The following MAP4K3 variants were observed in gnomAD, a reference collection of about 807,000 sequenced individuals.
MAP4K3 encodes MAPK/ERK kinase kinase kinase 3.
A neutral mutation model predicts 143.5 loss-of-function variants in MAP4K3; 94 were observed. The ratio of observed to expected loss-of-function variants is 0.65; its 90% CI spans 0.55 to 0.78. The LOEUF (loss-of-function observed/expected upper bound fraction) is 0.78. Among genes scored for constraint, MAP4K3 ranks in the 30% least tolerant of loss-of-function variants. The pLI, the probability that MAP4K3 is intolerant of heterozygous loss-of-function variation, is 0.00. For synonymous variants in MAP4K3, 416 were observed against 347.2 expected (o/e 1.20, Z -2.20); for missense variants, 1,077 against 1,068.1 (o/e 1.01, Z -0.12).
At position 39,392,183 on chromosome 2, in the gene MAP4K3, C is replaced by CAAAAAAAAAAAAAA. The variant is rs3086434; in HGVS notation, c.97-14074_97-14061dup. Among the ~76,000 whole-genome samples, 329 of 69,022 alleles carry CAAAAAAAAAAAAAA rather than the reference C, an allele frequency of 4.8e-3. 19 individuals carry two copies. Among genetic ancestry groups the CAAAAAAAAAAAAAA allele is most frequent in the Non-Finnish European group, 6.4e-3 (250 of 38,934 alleles). 45.3% of individuals were successfully genotyped at this position (69,022 alleles called of 152,430 possible). On this transcript the variant is annotated intron_variant, in intron 1 of 33. Coordinates refer to ENST00000263881, the MANE Select transcript of MAP4K3 (RefSeq NM_003618.4). Reference sequence around the variant, plus strand: ...CTGGCAACAGAACGACACTCCTACTCAAAAAAAAAAAAAAAAAAAAAATTA... The same window carrying CAAAAAAAAAAAAAA: ...CTGGCAACAGAACGACACTCCTACTCAAAAAAAAAAAAAAAAAAAAAAAAAAAAAAAAAAAATTA...
chr2:39,334,411 G>A (rs1455993207), intron 6 of MAP4K3, among the ~76,000 whole-genome samples: 3 of 149,806 alleles, frequency 2.0e-5, no homozygotes, highest in African/African-American at 7.3e-5. Flanking sequence ...GGAAAAAACA[G>A]TAAAAGACTG....
intron 23 of MAP4K3, 83 bp from the exon 24 acceptor site, chr2:39,278,569 T>C: frequency 1.3e-6 from 1 of 747,640 alleles, no homozygotes; most frequent in Non-Finnish European, 2.2e-6. Flanking sequence ...CTTCCGTAAA[T>C]AAGTATTAAC....
intron 1 of MAP4K3, among the ~76,000 whole-genome samples, chr2:39,432,983 T>C (rs543429650): frequency 4.9e-4 from 75 of 152,324 alleles, no homozygotes; most frequent in African/African-American, 1.7e-3. Context: ...ACAAGCAATA[T>C]GTATTACAGA....
At chr2:39,317,464 A>G (rs1304249217) in intron 12 of MAP4K3, among the ~76,000 whole-genome samples, 1 of 152,206 alleles carries the variant, frequency 6.6e-6, no homozygotes, top group Non-Finnish European at 1.5e-5. Flanking sequence ...CTATCAACAG[A>G]GTAAACAGAC....
chr2:39,309,347 G>A (rs908564555), intron 14 of MAP4K3, 114 bp downstream of exon 14: 4 of 741,406 alleles, frequency 5.4e-6, no homozygotes, highest in East Asian at 3.0e-5. Context: ...CTGGGACCTC[G>A]AATGTTTTTG....
rs1681369192 is a variant in MAP4K3, at chr2:39,278,423, T to G, written c.1778A>C (p.Glu593Ala). 1 of 1,589,568 alleles carries G rather than the reference T, an allele frequency of 6.3e-7. No individual in the cohort carries two copies. The highest frequency in any genetic ancestry group is 8.6e-7 in the Non-Finnish European group (1 of 1,166,458). ...ATAACATACCTGTTCCATTGATGTT[T>G]CATGAAGTTCATTAAGATTGAGGGT... ...IYTLNLNELH[E>A]TSMEQLFPRR... Residue 593 changes from glutamate to alanine, a missense_variant, in exon 24 of 34, where the codon GAA becomes GCA. Physicochemically the swap from Glu to Ala is moderately radical, Grantham distance 107. Transcript: ENST00000263881.
intron 8 of MAP4K3, among the ~76,000 whole-genome samples, chr2:39,326,533 G>A (rs994535802): frequency 6.6e-6 from 1 of 152,138 alleles, no homozygotes; most frequent in African/African-American, 2.4e-5. Flanking sequence ...CCTCAGACGA[G>A]ACTTTGGATT....
rs759853771 is a variant in MAP4K3 at position 39,260,756 on chromosome 2, A to G, written c.2158T>C (p.Cys720Arg). 21 of 1,612,410 alleles carry G rather than the reference A, an allele frequency of 1.3e-5. No individual in the cohort carries two copies. In the Admixed American group the frequency reaches 3.2e-4, roughly 24 times the overall value. Residue 720 changes from cysteine (C) to arginine (R), a missense_variant, in exon 29 of 34, where the codon TGT (cysteine) becomes CGT (arginine). This residue lies in a region of MAP4K3 where 864 missense variants were observed against 801.2 expected (regional missense o/e 1.08). Coordinates refer to ENST00000263881, the MANE Select transcript of MAP4K3 (RefSeq NM_003618.4). ...AGCATTTCAAACATTCTAAGTGGAC[A>G]TGGTATAGGAAAATCTATGTGCTAG... ...LIKHIDFPIP[C>R]PLRMFEMLVV...
At chr2:39,307,558 C>G (rs868104654) in intron 15 of MAP4K3, among the ~76,000 whole-genome samples, 2 of 148,658 alleles carry the variant, frequency 1.3e-5, no homozygotes, top group South Asian at 4.2e-4. Context: ...ATATATGTAC[C>G]ATATAACATA....
At chr2:39,406,186 C>T (rs1483541148) in intron 1 of MAP4K3, among the ~76,000 whole-genome samples, 6 of 151,446 alleles carry the variant, frequency 4.0e-5, no homozygotes, top group Non-Finnish European at 8.8e-5. Context: ...TATTTGAAAA[C>T]AGAGGAGACA....
At chr2:39,392,841 A>G (rs1188060432) in intron 1 of MAP4K3, among the ~76,000 whole-genome samples, 1 of 152,182 alleles carries the variant, frequency 6.6e-6, no homozygotes, top group East Asian at 1.9e-4. Flanking sequence ...CCATGGGATG[A>G]CACAGTACAA....
chr2:39,436,488 C>T (rs1310338146), intron 1 of MAP4K3: 2 of 183,014 alleles, frequency 1.1e-5, no homozygotes, highest in Non-Finnish European at 2.3e-5. Flanking sequence ...GCGGACGACC[C>T]CAGGTTGGCG....
At chr2:39,259,612 T>C (rs1000427320) in intron 29 of MAP4K3, among the ~76,000 whole-genome samples, 1 of 152,260 alleles carries the variant, frequency 6.6e-6, no homozygotes, top group Admixed American at 6.5e-5. Context: ...ATGTTTCCTA[T>C]GTTAATATAC....
chr2:39,366,164 G>A (rs2148565006), intron 2 of MAP4K3, among the ~76,000 whole-genome samples: 1 of 150,404 alleles, frequency 6.6e-6, no homozygotes, highest in African/African-American at 2.4e-5. Context: ...GGTGGTCAGG[G>A]TACAGCCTAG....
At chr2:39,359,409 C>A (rs549077658) in intron 2 of MAP4K3, among the ~76,000 whole-genome samples, 1 of 152,332 alleles carries the variant, frequency 6.6e-6, no homozygotes, top group African/African-American at 2.4e-5. Flanking sequence ...TACAGCTCCC[C>A]TCCTGGCTGC....
chr2:39,410,971 T>A (rs1667217278), intron 1 of MAP4K3, among the ~76,000 whole-genome samples: 1 of 152,208 alleles, frequency 6.6e-6, no homozygotes, highest in Non-Finnish European at 1.5e-5. Flanking sequence ...AGAAACTGTT[T>A]AAAAGAACAA....
intron 12 of MAP4K3, among the ~76,000 whole-genome samples, chr2:39,324,269 T>C (rs1360241080): frequency 6.6e-6 from 1 of 151,930 alleles, no homozygotes; most frequent in Non-Finnish European, 1.5e-5. Flanking sequence ...TAGCTGGGCA[T>C]GGTGGTGGGC....
chr2:39,318,888 T>C (rs1006757065), intron 12 of MAP4K3, among the ~76,000 whole-genome samples: 3 of 152,108 alleles, frequency 2.0e-5, no homozygotes, highest in Non-Finnish European at 4.4e-5. Context: ...AGGAAAGACA[T>C]AGACAGTATG....
At chr2:39,358,883 G>A (rs1665685623) in intron 2 of MAP4K3, among the ~76,000 whole-genome samples, 1 of 152,076 alleles carries the variant, frequency 6.6e-6, no homozygotes, top group Non-Finnish European at 1.5e-5. Flanking sequence ...GGGGATTATG[G>A]GAACTACAAT....
Sources: gnomAD v4.1 joint callset for allele counts (sites outside exome capture counted in the v4.1 genomes callset) on GRCh38, gnomAD v4.1.1 for gene constraint, gnomAD v4.1.1 regional missense constraint, MANE v1.5 for transcripts, NCBI Gene and HGNC (gene_info 2026-07-23, HGNC 2026-07-21) for gene names.